Variants in OCA2 observed in about 807,000 individuals in gnomAD.
OCA2 encodes OCA2 melanosomal transmembrane protein, also known as P protein.
A neutral mutation model predicts 100.2 loss-of-function variants in OCA2; 77 were observed. That is an observed-to-expected ratio of 0.77 (90% CI 0.64 to 0.93). The LOEUF (loss-of-function observed/expected upper bound fraction) is 0.93. Among genes scored for constraint, OCA2 ranks in the 40% least tolerant of loss-of-function variants. The pLI is 0.00. For missense variants in OCA2, 1,062 were observed against 1,089.1 expected, an observed-to-expected ratio of 0.98 and a Z score of 0.35; for synonymous variants, 432 against 439.2, an observed-to-expected ratio of 0.98 and a Z score of 0.21.
At chr15:27,999,354 G>T (rs1442912241) in intron 9 of OCA2, among the ~76,000 whole-genome samples, 1 of 151,908 alleles carries the variant, frequency 6.6e-6, no homozygotes, top group Non-Finnish European at 1.5e-5. Context: ...ACAGAATGAA[G>T]GATAAAAATC....
At chr15:28,081,565 CAACA>C (rs2044623396) in intron 2 of OCA2, 79 bp downstream of exon 2, 1 of 1,396,962 alleles carries the variant, frequency 7.2e-7, no homozygotes, top group Non-Finnish European at 1.0e-6. Context: ...ATTTTTCCCA[CAACA>C]AACGTGGGGG....
intron 15 of OCA2, among the ~76,000 whole-genome samples, chr15:27,960,590 C>CTCTAACTA (rs2040374599): frequency 6.6e-6 from 1 of 151,728 alleles, no homozygotes; most frequent in African/African-American, 2.4e-5. Flanking sequence ...ACACCATTTG[C>CTCTAACTA]TCTATCTATC....
At chr15:27,798,313 A>G (rs1288250370) in intron 23 of OCA2, among the ~76,000 whole-genome samples, 1 of 152,172 alleles carries the variant, frequency 6.6e-6, no homozygotes, top group African/African-American at 2.4e-5. Flanking sequence ...AATAACAAAC[A>G]TCCAATTTTT....
intron 2 of OCA2, among the ~76,000 whole-genome samples, chr15:28,059,159 C>T (rs541942920): frequency 7.2e-5 from 11 of 152,340 alleles, no homozygotes; most frequent in African/African-American, 2.4e-4. Flanking sequence ...AGCTCCAGTT[C>T]CTCCCTGTGC....
At chr15:28,083,757 A>C (rs1235756022) in intron 1 of OCA2, among the ~76,000 whole-genome samples, 1 of 152,230 alleles carries the variant, frequency 6.6e-6, no homozygotes, top group Non-Finnish European at 1.5e-5. Context: ...GAGACTATGG[A>C]AGAAAGGAGA....
intron 16 of OCA2, among the ~76,000 whole-genome samples, chr15:27,956,953 C>A (rs1306438640): frequency 1.3e-5 from 2 of 152,224 alleles, no homozygotes; most frequent in Non-Finnish European, 2.9e-5. Flanking sequence ...GACATCTCCA[C>A]CCCCTCTCAG....
chr15:28,079,455 GT>G (rs142166901), intron 2 of OCA2, among the ~76,000 whole-genome samples: 137 of 152,256 alleles, frequency 9.0e-4, no homozygotes, highest in African/African-American at 3.3e-3. Context: ...GGAGTGTGCT[GT>G]TTCAGGGGGC....
At chr15:27,913,176 G>A (rs1183629822) in intron 19 of OCA2, among the ~76,000 whole-genome samples, 1 of 152,122 alleles carries the variant, frequency 6.6e-6, no homozygotes, top group Non-Finnish European at 1.5e-5. Context: ...AAACTGAATA[G>A]TATTTGTAGT....
At chr15:27,875,429 A>G (rs1368167128) in intron 19 of OCA2, among the ~76,000 whole-genome samples, 1 of 152,158 alleles carries the variant, frequency 6.6e-6, no homozygotes, top group Non-Finnish European at 1.5e-5. Flanking sequence ...AGGTCAGGAA[A>G]TCAGGTAAGT....
the OCA2 span, among the ~76,000 whole-genome samples, chr15:27,720,804 A>G: frequency 2.0e-5 from 3 of 152,194 alleles, no homozygotes; most frequent in Admixed American, 6.5e-5. Flanking sequence ...TTATACAGCA[A>G]TAGTACCTCA....
the OCA2 span, among the ~76,000 whole-genome samples, chr15:27,729,007 G>A: frequency 6.6e-6 from 1 of 152,050 alleles, no homozygotes; most frequent in Non-Finnish European, 1.5e-5. Flanking sequence ...GCAAGAAGAA[G>A]CCAGACTGCA....
the OCA2 span, among the ~76,000 whole-genome samples, chr15:27,721,142 T>C: frequency 6.6e-6 from 1 of 152,074 alleles, no homozygotes; most frequent in East Asian, 1.9e-4. Flanking sequence ...CTTCAGAGAG[T>C]TTTTATTTAG....
chr15:27,940,797 C>A (rs571709220), intron 18 of OCA2, among the ~76,000 whole-genome samples: 1 of 152,318 alleles, frequency 6.6e-6, no homozygotes, highest in East Asian at 1.9e-4. Flanking sequence ...CTAATTTCCA[C>A]AAATGCACAT....
intron 19 of OCA2, among the ~76,000 whole-genome samples, chr15:27,899,846 G>C (rs904159830): frequency 6.6e-6 from 1 of 152,182 alleles, no homozygotes; most frequent in African/African-American, 2.4e-5. Context: ...AGCCCACTGG[G>C]AAGCACTGGT....
At chr15:27,913,849 AAG>A (rs2038510105) in intron 19 of OCA2, among the ~76,000 whole-genome samples, 1 of 33,988 alleles carries the variant, frequency 2.9e-5, no homozygotes, top group Non-Finnish European at 4.8e-5. Flanking sequence ...GAAAGAAAGA[AAG>A]AAAGAAAGAA....
chr15:28,095,439 G>A (rs942239627), intron 1 of OCA2, among the ~76,000 whole-genome samples: 1 of 152,198 alleles, frequency 6.6e-6, no homozygotes, highest in Non-Finnish European at 1.5e-5. Context: ...CATTGTGGCC[G>A]GGCGCGGTGG....
intron 19 of OCA2, among the ~76,000 whole-genome samples, chr15:27,901,229 A>C (rs2140176627): frequency 6.6e-6 from 1 of 152,342 alleles, no homozygotes; most frequent in East Asian, 1.9e-4. Context: ...TAAAATCCTA[A>C]CAGGCACAAG....
At chr15:27,749,975 A>G (rs974095624), downstream of OCA2, among the ~76,000 whole-genome samples, 36 of 152,240 alleles carry the variant, frequency 2.4e-4, no homozygotes, top group African/African-American at 8.0e-4. Flanking sequence ...AATAGGCATA[A>G]GCAAGCTTAT....
intron 6 of OCA2, among the ~76,000 whole-genome samples, chr15:28,021,128 A>C (rs1291773535): frequency 6.6e-6 from 1 of 152,224 alleles, no homozygotes; most frequent in Non-Finnish European, 1.5e-5. Context: ...TTTAAATAAT[A>C]ATCATCAAAA....
Sources: gnomAD v4.1 joint callset for allele counts (sites outside exome capture counted in the v4.1 genomes callset) on GRCh38, gnomAD v4.1.1 for gene constraint, MANE v1.5 for transcripts, NCBI Gene and HGNC (gene_info 2026-07-23, HGNC 2026-07-21) for gene names.